The following ATP11A variants were observed in gnomAD, a reference collection of about 807,000 sequenced individuals.
The protein encoded by ATP11A is phospholipid-transporting ATPase IH.
ATP11A carries 81 observed loss-of-function variants against 154.4 expected under a neutral mutation model. That is an observed-to-expected ratio of 0.52 (90% CI 0.44 to 0.63). The LOEUF is 0.63. Among genes scored for constraint, ATP11A ranks in the 30% least tolerant of loss-of-function variants. ATP11A has a pLI of 0.00. For synonymous variants in ATP11A, 623 were observed against 585.9 expected, an observed-to-expected ratio of 1.06 and a Z score of -0.91; for missense variants, 1,316 against 1,474.3, an observed-to-expected ratio of 0.89 and a Z score of 1.76.
intron 1 of ATP11A, among the ~76,000 whole-genome samples, chr13:112,698,061 C>T (rs988182372): frequency 2.0e-5 from 3 of 152,184 alleles, no homozygotes; most frequent in African/African-American, 4.8e-5. Flanking sequence ...CAGGCAGGCT[C>T]CTCTGATGTG....
In ATP11A at chr13:112,875,906, C is replaced by T. The variant is rs765783405; in HGVS notation, c.3292C>T (p.Arg1098Trp). Residue 1098 changes from arginine to tryptophan, a missense_variant, in exon 28 of 30, where the codon CGG becomes TGG. This residue lies in a region of ATP11A where 294 missense variants were observed against 290.2 expected (regional missense o/e 1.01). Coordinates refer to ENST00000375645, the MANE Select transcript of ATP11A (RefSeq NM_015205.3). This position sits in a 1 kb window ranked among gnomAD's most constrained non-coding sequence, Gnocchi z 4.1. ...LPDVLKKVLC[R>W]QLWPTATERV... ...CGACGTCCTCAAGAAAGTCCTGTGC[C>T]GGCAGCTGTGGCCAACAGCAACAGA... The T allele has an allele frequency of 7.4e-6, 12 of 1,612,964 alleles. No individual in the cohort carries two copies. The highest frequency in any genetic ancestry group is 1.1e-5 in the South Asian group (1 of 91,074).
chr13:112,856,806 C>A (rs1328290504), intron 20 of ATP11A: 1 of 152,158 alleles, frequency 6.6e-6, no homozygotes, highest in East Asian at 1.9e-4. Context: ...TCAGAGCAAA[C>A]CAGTGGTTAA....
At chr13:112,709,981 C>T (rs1425296089) in intron 1 of ATP11A, among the ~76,000 whole-genome samples, 3 of 152,276 alleles carry the variant, frequency 2.0e-5, no homozygotes, top group African/African-American at 7.2e-5. Flanking sequence ...CTGCCCACAT[C>T]CCACAGCTGA....
In ATP11A at chr13:112,851,084, A is replaced by C. The variant is rs1415792721; in HGVS notation, c.1857A>C (p.Glu619Asp). 1 of 1,614,130 alleles carries C rather than the reference A, an allele frequency of 6.2e-7. No homozygotes were observed. The highest frequency in any genetic ancestry group is 8.5e-7 in the Non-Finnish European group (1 of 1,180,050). ...TTGCTTATAAAAGGCTGATCCAAGA[A>C]GAATATGAAGGCATTTGTAAGCTGC... ...LCVAYKRLIQ[E>D]EYEGICKLLQ... The change falls in exon 18 of 30, where the codon GAA becomes GAC. Residue 619 changes from glutamate (E) to aspartate (D), a missense_variant. This residue lies in a region of ATP11A where 876 missense variants were observed against 1,006.8 expected (regional missense o/e 0.87). Coordinates refer to ENST00000375645, the MANE Select transcript of ATP11A (RefSeq NM_015205.3).
At chr13:112,789,627 CG>C (rs2077780260) in intron 2 of ATP11A, among the ~76,000 whole-genome samples, 1 of 150,906 alleles carries the variant, frequency 6.6e-6, no homozygotes, top group African/African-American at 2.4e-5. Flanking sequence ...TAATTCACAC[CG>C]GGTATTCTGA....
chr13:112,833,881 A>T (rs1334369030), intron 14 of ATP11A, among the ~76,000 whole-genome samples: 2 of 152,162 alleles, frequency 1.3e-5, no homozygotes, highest in Admixed American at 1.3e-4. Context: ...CCCACCTTTG[A>T]GACTCCTCCC....
In ATP11A at chr13:112,724,994, C is replaced by G. The variant is rs954693607; in HGVS notation, c.39+34539C>G. On this transcript the variant is annotated intron_variant, in intron 1 of 29. Transcript: ENST00000375645. The stretch of plus-strand genomic sequence containing the variant: ...CTGGGCTGTGGCCTTGGACCTGGTC[C>G]CCACGTCATTTTCTTCTCCCTTGGG... Among the ~76,000 whole-genome samples the G allele has an allele frequency of 3.9e-5, 6 of 152,290 alleles. No individual in the cohort carries two copies. In the East Asian group the frequency reaches 1.2e-3, roughly 29 times the overall value.
intron 21 of ATP11A, 107 bp from the exon 22 acceptor site, chr13:112,858,038 G>A (rs967700121): frequency 4.5e-6 from 7 of 1,571,110 alleles, no homozygotes; most frequent in Middle Eastern, 3.7e-4. Flanking sequence ...CCTCGTGTGT[G>A]ACCGGGAAGG....
intron 16 of ATP11A, among the ~76,000 whole-genome samples, chr13:112,836,658 A>G (rs1057209563): frequency 5.3e-5 from 8 of 152,238 alleles, no homozygotes; most frequent in East Asian, 1.9e-4. Context: ...TGGGTTTGCA[A>G]ATGTATCTAT....
intron 19 of ATP11A, 151 bp from the exon 20 acceptor site, chr13:112,855,760 A>G (rs2079903406): frequency 1.2e-5 from 8 of 678,104 alleles, no homozygotes; most frequent in South Asian, 1.1e-4. Flanking sequence ...GTTATGTTCA[A>G]TACTATAAAA....
chr13:112,779,239 T>TGGAGTAGCCGCTGGAGTGA (rs1247570831), intron 1 of ATP11A, among the ~76,000 whole-genome samples: 148 of 103,486 alleles, frequency 1.4e-3, no homozygotes, highest in East Asian at 5.9e-3. Flanking sequence ...GAGTAGCCAC[T>TGGAGTAGCCGCTGGAGTGA]GGAGTAGCCG....
chr13:112,855,149 C>T (rs1027962743), intron 19 of ATP11A, among the ~76,000 whole-genome samples: 3 of 152,220 alleles, frequency 2.0e-5, no homozygotes, highest in Non-Finnish European at 4.4e-5. Flanking sequence ...ATAATTCCCT[C>T]TACCTGATCT....
intron 1 of ATP11A, among the ~76,000 whole-genome samples, chr13:112,693,616 A>G (rs1885452820): frequency 6.6e-6 from 1 of 152,004 alleles, no homozygotes; most frequent in African/African-American, 2.4e-5. Context: ...GGGGTAGTGC[A>G]TGTGCCATGA....
chr13:112,706,123 A>C (rs1334371674), intron 1 of ATP11A, among the ~76,000 whole-genome samples: 1 of 152,238 alleles, frequency 6.6e-6, no homozygotes, highest in Non-Finnish European at 1.5e-5. Flanking sequence ...TAACGGGTGA[A>C]GAGAAGACAT....
At chr13:112,750,825 C>T (rs574655429) in intron 1 of ATP11A, among the ~76,000 whole-genome samples, 1 of 152,352 alleles carries the variant, frequency 6.6e-6, no homozygotes, top group South Asian at 2.1e-4. Context: ...CACGTAGCTT[C>T]CCCCTGCCTT....
intron 1 of ATP11A, among the ~76,000 whole-genome samples, chr13:112,708,291 G>T (rs746083271): frequency 6.6e-6 from 1 of 152,152 alleles, no homozygotes; most frequent in Non-Finnish European, 1.5e-5. Context: ...TGTGTTGATT[G>T]TAATGGTTAC....
At chr13:112,823,647 G>C (rs758800977) in intron 9 of ATP11A, among the ~76,000 whole-genome samples, 1 of 152,242 alleles carries the variant, frequency 6.6e-6, no homozygotes, top group Non-Finnish European at 1.5e-5. Flanking sequence ...TTCAGAAACA[G>C]AACATTGCAT....
At position 112,824,359 on chromosome 13, in the gene ATP11A, C is replaced by T. The variant is rs1232371874; in HGVS notation, c.806C>T (p.Thr269Met). 9.3e-6 allele frequency: 15 copies of T among 1,613,858 alleles called. No homozygotes were observed. Among genetic ancestry groups the T allele is most frequent in the African/African-American group, 2.7e-5 (2 of 74,904 alleles). The change falls in exon 10 of 30, where the codon ACG (threonine) becomes ATG (methionine). Residue 269 changes from threonine to methionine, a missense_variant. Transcript: ENST00000375645. ...CTCTCTGTAGGTGTGGCTATTTACACGGGAATGGAAACCAAGATGGCATTA... is the reference window on the plus strand; with the variant it reads ...CTCTCTGTAGGTGTGGCTATTTACATGGGAATGGAAACCAAGATGGCATTA... ...TEKIFGVAIY[T>M]GMETKMALNY...
intron 8 of ATP11A, among the ~76,000 whole-genome samples, 172 bp from the exon 9 acceptor site, chr13:112,823,173 A>G (rs1295268451): frequency 2.0e-5 from 3 of 152,226 alleles, no homozygotes; most frequent in African/African-American, 7.2e-5. Flanking sequence ...ATCTGTTCAC[A>G]TGGACCTGGG....
Sources: gnomAD v4.1 joint callset for allele counts (sites outside exome capture counted in the v4.1 genomes callset) on GRCh38, gnomAD v4.1.1 for gene constraint, gnomAD v4.1.1 regional missense constraint, Gnocchi (gnomAD v3.1) non-coding constraint, MANE v1.5 for transcripts, NCBI Gene and HGNC (gene_info 2026-07-23, HGNC 2026-07-21) for gene names.